EPHA5: variants seen among roughly 807,000 people sequenced by gnomAD.
EPHA5 encodes the protein EPH receptor A5, also known as ephrin type-A receptor 5.
A neutral mutation model predicts 105.0 loss-of-function variants in EPHA5; 60 were observed. That is an observed-to-expected ratio of 0.57 (90% confidence interval 0.46 to 0.71). The LOEUF is 0.71. Among genes scored for constraint, EPHA5 ranks in the 30% least tolerant of loss-of-function variants. EPHA5 has a pLI of 0.00. For synonymous variants in EPHA5, 513 were observed against 449.1 expected, an observed-to-expected ratio of 1.14 and a Z score of -1.80; for missense variants, 1,218 against 1,274.7, an observed-to-expected ratio of 0.96 and a Z score of 0.68.
chr4:65,440,004 T>A (rs964035218), intron 5 of EPHA5, among the ~76,000 whole-genome samples: 1 of 152,100 alleles, frequency 6.6e-6, no homozygotes, highest in African/African-American at 2.4e-5. Flanking sequence ...ATATCCTAAT[T>A]ATCAGAAAAT....
In EPHA5 at chr4:65,523,070, C is replaced by T. The variant is rs966648523; in HGVS notation, c.911-27527G>A. Among the ~76,000 whole-genome samples, 46 of 151,940 alleles carry T rather than the reference C, an allele frequency of 3.0e-4. 1 individual carries two copies. Among genetic ancestry groups the T allele is most frequent in the South Asian group, 1.0e-3 (5 of 4,820 alleles). On this transcript the variant is annotated intron_variant, in intron 3 of 16. Coordinates refer to ENST00000613740, the MANE Select transcript of EPHA5 (RefSeq NM_001281766.3). Reference sequence around the variant, plus strand: ...TAATTTTTTCATGCTCTATTTTCTCCGTTCTTAATACTCAGTCACACAGCA... The same window carrying T: ...TAATTTTTTCATGCTCTATTTTCTCTGTTCTTAATACTCAGTCACACAGCA...
chr4:65,433,309 A>G (rs1725152298), intron 5 of EPHA5, among the ~76,000 whole-genome samples: 1 of 152,174 alleles, frequency 6.6e-6, no homozygotes, highest in African/African-American at 2.4e-5. Flanking sequence ...ATACACATAA[A>G]TATAAAACAA....
chr4:65,343,047 A>C (rs866249711), intron 14 of EPHA5, among the ~76,000 whole-genome samples: 1 of 152,200 alleles, frequency 6.6e-6, no homozygotes, highest in South Asian at 2.1e-4. Context: ...ATTAGTTTTC[A>C]AAATATTGTG....
intron 5 of EPHA5, among the ~76,000 whole-genome samples, chr4:65,435,018 C>T (rs1169998590): frequency 6.6e-6 from 1 of 151,966 alleles, no homozygotes; most frequent in Non-Finnish European, 1.5e-5. Flanking sequence ...TCCCCATTGC[C>T]CTCTCTATGT....
intron 3 of EPHA5, among the ~76,000 whole-genome samples, chr4:65,522,316 G>GTATATATATATATATATATATATATACA (rs58851174): frequency 4.9e-5 from 7 of 142,860 alleles, no homozygotes; most frequent in African/African-American, 1.9e-4. Context: ...ATATATATAT[G>GTATATATATATATATATATATATATACA]TATATATATA....
intron 5 of EPHA5, among the ~76,000 whole-genome samples, chr4:65,450,053 T>A (rs571721988): frequency 2.3e-4 from 35 of 152,316 alleles, no homozygotes; most frequent in African/African-American, 8.2e-4. Flanking sequence ...TAGATAAACG[T>A]TTAAAGCATT....
At chr4:65,611,302 C>T (rs13112447) in intron 2 of EPHA5, among the ~76,000 whole-genome samples, 9,398 of 152,020 alleles carry the variant, frequency 0.062, 392 homozygotes, top group Admixed American at 0.11. Context: ...TGAAAAGTAA[C>T]ATAATTGGTA....
chr4:65,496,700 G>T (rs1731978607), intron 3 of EPHA5, among the ~76,000 whole-genome samples: 1 of 152,046 alleles, frequency 6.6e-6, no homozygotes, highest in African/African-American at 2.4e-5. Context: ...ACGTGTGCAT[G>T]TGTCTTTAGA....
intron 3 of EPHA5, among the ~76,000 whole-genome samples, chr4:65,497,071 C>T (rs1321426888): frequency 6.6e-6 from 1 of 152,112 alleles, no homozygotes; most frequent in Non-Finnish European, 1.5e-5. Flanking sequence ...TCGAAGACTA[C>T]CAAACTGATG....
At chr4:65,331,193 A>G in intron 16 of EPHA5, 1 of 1,029,430 alleles carries the variant, frequency 9.7e-7, no homozygotes, top group African/African-American at 1.7e-5. Context: ...AGGTTAAAAC[A>G]TTAATGTTAA....
intron 3 of EPHA5, among the ~76,000 whole-genome samples, chr4:65,595,720 A>T (rs1477083777): frequency 6.6e-6 from 1 of 151,856 alleles, no homozygotes; most frequent in African/African-American, 2.4e-5. Context: ...AGCTGGGATT[A>T]CAGGCTCCCG....
At chr4:65,328,008 A>C (rs1447181805) in intron 16 of EPHA5, among the ~76,000 whole-genome samples, 2 of 151,184 alleles carry the variant, frequency 1.3e-5, no homozygotes, top group Non-Finnish European at 3.0e-5. Flanking sequence ...TGGAAATGGT[A>C]CAAGGTATGC....
chr4:65,643,327 T>C (rs767566091), intron 2 of EPHA5, 36 bp downstream of exon 2: 5 of 1,512,650 alleles, frequency 3.3e-6, no homozygotes, highest in South Asian at 2.2e-5. Flanking sequence ...CTTACGCACA[T>C]AGCTTAAGTT....
At chr4:65,613,012 T>C (rs531065558) in intron 2 of EPHA5, among the ~76,000 whole-genome samples, 4 of 152,264 alleles carry the variant, frequency 2.6e-5, no homozygotes, top group Non-Finnish European at 5.9e-5. Flanking sequence ...TTTCAGGTCA[T>C]ACATTTAAAT....
At chr4:65,510,056 T>C (rs1733453571) in intron 3 of EPHA5, among the ~76,000 whole-genome samples, 1 of 145,496 alleles carries the variant, frequency 6.9e-6, no homozygotes, top group Admixed American at 7.0e-5. Flanking sequence ...TTTTTCGAGA[T>C]GGAGTTTCAC....
intron 3 of EPHA5, among the ~76,000 whole-genome samples, chr4:65,554,165 T>A (rs4860184): frequency 6.7e-6 from 1 of 149,976 alleles, no homozygotes; most frequent in Non-Finnish European, 1.5e-5. Flanking sequence ...AAAAAAAAAA[T>A]TGAGAAACTT....
intron 8 of EPHA5, among the ~76,000 whole-genome samples, chr4:65,388,748 C>G (rs1720395492): frequency 6.7e-6 from 1 of 148,714 alleles, no homozygotes; most frequent in African/African-American, 2.5e-5. Context: ...CGAAAATTTT[C>G]TCCCATTTTG....
chr4:65,405,118 T>C (rs1055943273), intron 7 of EPHA5, among the ~76,000 whole-genome samples: 4 of 152,188 alleles, frequency 2.6e-5, no homozygotes, highest in Admixed American at 6.6e-5. Context: ...ATTGGATACA[T>C]TTACATCACC....
At chr4:65,653,857 A>T (rs1240869213) in intron 1 of EPHA5, among the ~76,000 whole-genome samples, 1 of 152,088 alleles carries the variant, frequency 6.6e-6, no homozygotes, top group African/African-American at 2.4e-5. Flanking sequence ...TTTCCTTAGT[A>T]TCATAATATC....
Sources: gnomAD v4.1 joint callset for allele counts (sites outside exome capture counted in the v4.1 genomes callset) on GRCh38, gnomAD v4.1.1 for gene constraint, MANE v1.5 for transcripts, NCBI Gene and HGNC (gene_info 2026-07-23, HGNC 2026-07-21) for gene names.